CENPP: variants seen among roughly 807,000 people sequenced by gnomAD.
The protein encoded by CENPP is centromere protein P.
In CENPP, 24 loss-of-function variants were observed where a neutral mutation model predicts 35.6. That is an observed-to-expected ratio of 0.67 (90% confidence interval 0.49 to 0.95). CENPP has a LOEUF of 0.95. CENPP is among the 40% of genes least tolerant of loss of function. CENPP has a pLI of 0.00. For synonymous variants in CENPP, 120 were observed against 125.5 expected (o/e 0.96, Z 0.29); for missense variants, 332 against 345.3 (o/e 0.96, Z 0.31).
intron 5 of CENPP, among the ~76,000 whole-genome samples, chr9:92,545,486 C>T (rs565189961): frequency 2.6e-5 from 4 of 152,174 alleles, no homozygotes; most frequent in East Asian, 1.9e-4. Context: ...TGCCTCCCCG[C>T]GGGGCAGGGC....
chr9:92,476,488 CA>C lies in CENPP; in HGVS notation c.564+96634del, dbSNP rs1238087640. On this transcript the variant is annotated intron_variant, in intron 5 of 7. Coordinates refer to ENST00000375587, the MANE Select transcript of CENPP (RefSeq NM_001012267.3). This position sits in a 1 kb window ranked among gnomAD's most constrained non-coding sequence, Gnocchi z 4.1. ...ACTTTATTTAATTTCTCATATGCTC[CA>C]AAAATCTAAATGGTGGCATGAACAT... Among the ~76,000 whole-genome samples the C allele has an allele frequency of 6.6e-6, 1 of 152,054 alleles. No homozygotes were observed. The highest frequency in any genetic ancestry group is 2.4e-5 in the African/African-American group (1 of 41,392).
intron 5 of CENPP, chr9:92,386,253 A>G (rs1842416354): frequency 6.2e-7 from 1 of 1,613,696 alleles, no homozygotes; most frequent in Admixed American, 1.7e-5. Flanking sequence ...CACGGATTCC[A>G]GGGCATTATG....
chr9:92,579,591 G>T (rs945506188), intron 5 of CENPP, among the ~76,000 whole-genome samples: 1 of 151,732 alleles, frequency 6.6e-6, no homozygotes, highest in South Asian at 2.1e-4. Flanking sequence ...CTCATGATTT[G>T]GCTCTCTGTT....
chr9:92,612,495 A>T, intron 6 of CENPP, 28 bp from the exon 7 acceptor site: 1 of 1,557,152 alleles, frequency 6.4e-7, no homozygotes, highest in Non-Finnish European at 8.9e-7. Flanking sequence ...CAAAAAGCAC[A>T]TAACGACATG....
chr9:92,411,650 A>C (rs893836998), intron 5 of CENPP, among the ~76,000 whole-genome samples: 1 of 152,220 alleles, frequency 6.6e-6, no homozygotes. Flanking sequence ...TTCTTTGAGA[A>C]TTAAAATGTA....
intron 5 of CENPP, among the ~76,000 whole-genome samples, chr9:92,531,282 G>A (rs564101574): frequency 6.6e-6 from 1 of 150,518 alleles, no homozygotes; most frequent in Non-Finnish European, 1.5e-5. Context: ...TCTTTTCTTT[G>A]TAGAGATTAC....
chr9:92,430,197 T>C (rs1484037283), intron 5 of CENPP, among the ~76,000 whole-genome samples: 1 of 152,194 alleles, frequency 6.6e-6, no homozygotes, highest in Non-Finnish European at 1.5e-5. Flanking sequence ...TGGTTGAAAA[T>C]CTTTTATATT....
At chr9:92,450,114 C>G (rs1844664341) in intron 5 of CENPP, among the ~76,000 whole-genome samples, 1 of 151,758 alleles carries the variant, frequency 6.6e-6, no homozygotes, top group African/African-American at 2.4e-5. Context: ...TATTATTATA[C>G]TTTAAGTTTT....
intron 5 of CENPP, among the ~76,000 whole-genome samples, chr9:92,496,854 G>A (rs1269077323): frequency 6.6e-6 from 1 of 151,964 alleles, no homozygotes; most frequent in Admixed American, 6.6e-5. Context: ...GAATCTAGGA[G>A]GAAAATGGAA....
intron 5 of CENPP, among the ~76,000 whole-genome samples, chr9:92,566,350 T>C (rs562627896): frequency 1.3e-5 from 2 of 150,140 alleles, no homozygotes; most frequent in South Asian, 2.1e-4. Context: ...CATAAAAATA[T>C]AGCCTTTCAA....
chr9:92,428,231 G>C (rs1564315406), intron 5 of CENPP, among the ~76,000 whole-genome samples: 1 of 152,102 alleles, frequency 6.6e-6, no homozygotes. Flanking sequence ...TTCTGTAAAT[G>C]GTGCCCCCAT....
intron 5 of CENPP, among the ~76,000 whole-genome samples, chr9:92,475,197 T>C (rs1845672574): frequency 6.6e-6 from 1 of 152,154 alleles, no homozygotes; most frequent in African/African-American, 2.4e-5. Flanking sequence ...AGAATTATAA[T>C]AGCAGAAATA....
At chr9:92,384,363 T>C (rs1376745398) in intron 5 of CENPP, 1 of 152,172 alleles carries the variant, frequency 6.6e-6, no homozygotes. Flanking sequence ...CAGAGACAAC[T>C]TGATTTCAAT....
intron 5 of CENPP, among the ~76,000 whole-genome samples, chr9:92,487,850 A>G (rs1031759678): frequency 1.3e-5 from 2 of 152,212 alleles, no homozygotes; most frequent in Non-Finnish European, 2.9e-5. Flanking sequence ...ATAAATAAAC[A>G]TATAAAACCA....
intron 5 of CENPP, among the ~76,000 whole-genome samples, chr9:92,406,285 T>TG (rs1427606145): frequency 1.3e-5 from 2 of 152,082 alleles, no homozygotes; most frequent in Non-Finnish European, 2.9e-5. Flanking sequence ...TATTAAGAGA[T>TG]GCGACTAGAC....
intron 5 of CENPP, among the ~76,000 whole-genome samples, chr9:92,426,220 G>A (rs550762025): frequency 2.0e-5 from 3 of 152,110 alleles, no homozygotes; most frequent in Non-Finnish European, 4.4e-5. Context: ...TTTTAGTTAA[G>A]TGGTTATAAT....
chr9:92,519,105 C>T (rs1002997079), intron 5 of CENPP, among the ~76,000 whole-genome samples: 2 of 152,122 alleles, frequency 1.3e-5, no homozygotes, highest in African/African-American at 4.8e-5. Context: ...CCAAATGAGC[C>T]TCTCACATTA....
At chr9:92,345,635 A>G (rs2130803737) in intron 3 of CENPP, 64 bp from the exon 4 acceptor site, 3 of 860,600 alleles carry the variant, frequency 3.5e-6, no homozygotes, top group East Asian at 5.1e-5. Context: ...GCATATTTCA[A>G]AAGTATTTTT....
At chr9:92,559,541 A>G (rs543919817) in intron 5 of CENPP, among the ~76,000 whole-genome samples, 3 of 152,118 alleles carry the variant, frequency 2.0e-5, no homozygotes, top group African/African-American at 4.8e-5. Flanking sequence ...GGGATTGCCA[A>G]TTTATTCTTG....
Sources: allele counts gnomAD v4.1 joint callset (sites outside exome capture counted in the v4.1 genomes callset), GRCh38; gene constraint gnomAD v4.1.1; non-coding constraint Gnocchi (gnomAD v3.1); transcripts MANE v1.5; gene names NCBI Gene and HGNC (gene_info 2026-07-23, HGNC 2026-07-21).